Variants in PPM1H observed in about 807,000 individuals in gnomAD.
PPM1H encodes protein phosphatase 1H.
PPM1H carries 27 observed loss-of-function variants against 54.9 expected under a neutral mutation model. That is an observed-to-expected ratio of 0.49 (90% CI 0.36 to 0.68). The LOEUF (loss-of-function observed/expected upper bound fraction) is 0.68. PPM1H is among the 30% of genes least tolerant of loss of function. The pLI is 0.00. For synonymous variants in PPM1H, 305 were observed against 270.8 expected, an observed-to-expected ratio of 1.13 and a Z score of -1.24; for missense variants, 596 against 667.8, an observed-to-expected ratio of 0.89 and a Z score of 1.19.
intron 1 of PPM1H, among the ~76,000 whole-genome samples, chr12:62,879,832 G>A (rs1870326808): frequency 6.6e-6 from 1 of 152,120 alleles, no homozygotes; most frequent in South Asian, 2.1e-4. Flanking sequence ...TTGCTGGCCA[G>A]GCGCCTCTGC....
chr12:62,711,923 G>A (rs756485112), intron 6 of PPM1H, among the ~76,000 whole-genome samples: 2 of 152,044 alleles, frequency 1.3e-5, no homozygotes, highest in Non-Finnish European at 2.9e-5. Flanking sequence ...GCTTCCACTG[G>A]CCTCCTGCGC....
rs546078299 is a variant in PPM1H, at chr12:62,682,770, T to C, written c.1245+6929A>G. Among the ~76,000 whole-genome samples, 170 of 152,084 alleles carry C rather than the reference T, an allele frequency of 1.1e-3. 1 individual carries two copies. Among genetic ancestry groups the C allele is most frequent in the African/African-American group, 3.5e-3 (145 of 41,492 alleles). On this transcript the variant is annotated intron_variant, in intron 8 of 9. Coordinates refer to ENST00000228705, the MANE Select transcript of PPM1H (RefSeq NM_020700.2). ...CCTCCCACTTCAGCCTCCCAAAGCA[T>C]TGAGATGATAGGCGTGAGTCACTGT...
At position 62,797,779 on chromosome 12, in the gene PPM1H, A is replaced by G. The variant is rs188223128; in HGVS notation, c.756+4037T>C. On this transcript the variant is annotated intron_variant, in intron 3 of 9. Transcript: ENST00000228705. ...TTAAGCAATTTGATAAGGTTAAGAC[A>G]GGCATTGTTTCTATGAAACAGGAGT... Among the ~76,000 whole-genome samples the G allele has an allele frequency of 2.1e-4, 32 of 152,372 alleles. No homozygotes were observed. In the East Asian group the frequency reaches 5.6e-3, roughly 27 times the overall value.
At position 62,909,306 on chromosome 12, in the gene PPM1H, G is replaced by A. The variant is rs535824834; in HGVS notation, c.245+25186C>T. Among the ~76,000 whole-genome samples the A allele has an allele frequency of 2.6e-5, 4 of 152,240 alleles. No individual in the cohort carries two copies. The East Asian group carries it at 7.7e-4, about 29-fold the overall frequency. ...GCTAGCTACAATTTACCTCCCACATGGTGGCCAAAGCCATCGTTCTAAAAC... is the reference window on the plus strand; with the variant it reads ...GCTAGCTACAATTTACCTCCCACATAGTGGCCAAAGCCATCGTTCTAAAAC... On this transcript the variant is annotated intron_variant, in intron 1 of 9. Transcript: ENST00000228705.
chr12:62,927,522 T>A (rs1872006442), intron 1 of PPM1H, among the ~76,000 whole-genome samples: 1 of 150,880 alleles, frequency 6.6e-6, no homozygotes, highest in African/African-American at 2.4e-5. Flanking sequence ...ATTACCTGGG[T>A]GTGGTGGTGG....
intron 4 of PPM1H, among the ~76,000 whole-genome samples, chr12:62,752,741 T>TA (rs1189619629): frequency 6.6e-6 from 1 of 152,120 alleles, no homozygotes; most frequent in East Asian, 1.9e-4. Context: ...ACTGTCCAAG[T>TA]AAAAAATGAG....
At chr12:62,918,554 C>T (rs937103540) in intron 1 of PPM1H, among the ~76,000 whole-genome samples, 6 of 152,086 alleles carry the variant, frequency 3.9e-5, no homozygotes, top group African/African-American at 1.5e-4. Flanking sequence ...TTGATCTTTT[C>T]TAACTATTAA....
intron 4 of PPM1H, chr12:62,755,105 G>A (rs1185408153): frequency 1.6e-5 from 6 of 382,470 alleles, no homozygotes; most frequent in Non-Finnish European, 2.5e-5. Flanking sequence ...AGAATATCAT[G>A]TCTTTCTTTT....
chr12:62,927,512 A>C (rs1042213157), intron 1 of PPM1H, among the ~76,000 whole-genome samples: 6 of 151,914 alleles, frequency 3.9e-5, no homozygotes, highest in African/African-American at 1.5e-4. Context: ...ATACAAAAAA[A>C]TTACCTGGGT....
At chr12:62,799,360 A>G (rs192131288) in intron 3 of PPM1H, among the ~76,000 whole-genome samples, 2 of 152,204 alleles carry the variant, frequency 1.3e-5, no homozygotes, top group African/African-American at 4.8e-5. Context: ...TCCAGGTAAA[A>G]GATGTCCTGT....
At chr12:62,888,419 TAG>T (rs1418708655) in intron 1 of PPM1H, among the ~76,000 whole-genome samples, 1 of 152,046 alleles carries the variant, frequency 6.6e-6, no homozygotes, top group East Asian at 1.9e-4. Flanking sequence ...GAATGGTATT[TAG>T]AGACACTGGA....
At chr12:62,749,589 T>C (rs1350514185) in intron 4 of PPM1H, among the ~76,000 whole-genome samples, 1 of 152,122 alleles carries the variant, frequency 6.6e-6, no homozygotes, top group Admixed American at 6.5e-5. Context: ...TGCTAATTAA[T>C]GGTATCAAAA....
At chr12:62,836,987 G>C (rs1364461771) in intron 1 of PPM1H, among the ~76,000 whole-genome samples, 2 of 152,140 alleles carry the variant, frequency 1.3e-5, no homozygotes, top group Non-Finnish European at 1.5e-5. Context: ...GATACACCTT[G>C]AAATTATAAC....
At chr12:62,746,464 T>C (rs1221680999) in intron 4 of PPM1H, among the ~76,000 whole-genome samples, 1 of 152,122 alleles carries the variant, frequency 6.6e-6, no homozygotes, top group Non-Finnish European at 1.5e-5. Flanking sequence ...ACCATATGCA[T>C]TGCCTATGGG....
At chr12:62,782,062 G>A (rs117159025) in intron 4 of PPM1H, among the ~76,000 whole-genome samples, 2,431 of 152,252 alleles carry the variant, frequency 0.016, 25 homozygotes, top group Non-Finnish European at 0.027. Context: ...AAGAAAGTGA[G>A]AGGAATAGTG....
intron 1 of PPM1H, among the ~76,000 whole-genome samples, chr12:62,847,322 T>C (rs1869010486): frequency 6.6e-6 from 1 of 152,166 alleles, no homozygotes; most frequent in Non-Finnish European, 1.5e-5. Context: ...TAAATTTCCC[T>C]TGAATGGCTG....
At position 62,721,239 on chromosome 12, in the gene PPM1H, C is replaced by T. The variant is rs115414080; in HGVS notation, c.955-950G>A. On this transcript the variant is annotated intron_variant, in intron 5 of 9. Transcript: ENST00000228705. Reference sequence around the variant, plus strand: ...CAGCTACTTTGCTAGGACCCAATGCCGGCGGATCTCTCACTGATTCTCATG... The same window carrying T: ...CAGCTACTTTGCTAGGACCCAATGCTGGCGGATCTCTCACTGATTCTCATG... 5.4e-3 allele frequency among the ~76,000 whole-genome samples: 829 copies of T among 152,258 alleles called. 6 individuals are homozygous for T. The highest frequency in any genetic ancestry group is 0.019 in the African/African-American group (791 of 41,524).
chr12:62,661,525 C>T (rs187142102), intron 9 of PPM1H, among the ~76,000 whole-genome samples: 133 of 152,250 alleles, frequency 8.7e-4, no homozygotes, highest in African/African-American at 3.0e-3. Context: ...CTCAGCCTCC[C>T]GAATAGCTGG....
At chr12:62,867,411 C>T (rs761640013) in intron 1 of PPM1H, among the ~76,000 whole-genome samples, 7 of 152,018 alleles carry the variant, frequency 4.6e-5, no homozygotes, top group Non-Finnish European at 8.8e-5. Context: ...CTCTTACCTA[C>T]TTTCCTTCTG....
Sources: gnomAD v4.1 joint callset for allele counts (sites outside exome capture counted in the v4.1 genomes callset) on GRCh38, gnomAD v4.1.1 for gene constraint, MANE v1.5 for transcripts, NCBI Gene and HGNC (gene_info 2026-07-23, HGNC 2026-07-21) for gene names.